EHD4: variants seen among roughly 807,000 people sequenced by gnomAD.
EHD4 encodes EH domain-containing protein 4.
A neutral mutation model predicts 51.0 loss-of-function variants in EHD4; 37 were observed. That is an observed-to-expected ratio of 0.73 (90% confidence interval 0.56 to 0.95). EHD4 has a LOEUF of 0.95. EHD4 is among the 40% of genes least tolerant of loss of function. The probability of loss-of-function intolerance (pLI) is 0.00; values close to 1 mark genes in which losing one functional copy is unlikely to be tolerated. For synonymous variants in EHD4, 297 were observed against 317.3 expected (o/e 0.94, Z 0.68); for missense variants, 632 against 733.1 (o/e 0.86, Z 1.59).
chr15:41,925,018 C>T (rs2067651817), intron 3 of EHD4, among the ~76,000 whole-genome samples: 1 of 150,620 alleles, frequency 6.6e-6, no homozygotes, highest in African/African-American at 2.4e-5. Flanking sequence ...CGAGACTGTG[C>T]CGCTGTACTC....
intron 1 of EHD4, among the ~76,000 whole-genome samples, chr15:41,960,529 C>G (rs775924308): frequency 8.7e-4 from 133 of 152,154 alleles, no homozygotes; most frequent in Non-Finnish European, 1.4e-3. Context: ...TTTGTCATTT[C>G]CTGTTAGGCA....
intron 4 of EHD4, among the ~76,000 whole-genome samples, chr15:41,918,102 T>G (rs2140988020): frequency 6.6e-6 from 1 of 152,178 alleles, no homozygotes; most frequent in East Asian, 1.9e-4. Context: ...ACCTTGGCTG[T>G]CCCCATCAGG....
At chr15:41,907,981 T>G (rs1013368104) in intron 5 of EHD4, among the ~76,000 whole-genome samples, 18 of 152,014 alleles carry the variant, frequency 1.2e-4, no homozygotes, top group African/African-American at 3.6e-4. Context: ...CAACAAATTC[T>G]CCTGCCTCAG....
chr15:41,934,326 T>C (rs918905320), intron 3 of EHD4, among the ~76,000 whole-genome samples: 17 of 129,660 alleles, frequency 1.3e-4, no homozygotes, highest in Non-Finnish European at 2.4e-4. Context: ...TTTTTTTTTT[T>C]CAAATAAATA....
At chr15:41,944,352 G>C (rs2067797156) in intron 2 of EHD4, among the ~76,000 whole-genome samples, 1 of 152,254 alleles carries the variant, frequency 6.6e-6, no homozygotes, top group Non-Finnish European at 1.5e-5. Flanking sequence ...AAGGCAGAAA[G>C]TGTAGAATGC....
intron 5 of EHD4, among the ~76,000 whole-genome samples, chr15:41,902,519 T>C (rs984937511): frequency 6.6e-6 from 1 of 152,192 alleles, no homozygotes; most frequent in African/African-American, 2.4e-5. Context: ...GGAGGAAGGA[T>C]ACTCCAATTG....
At chr15:41,915,445 G>A (rs1033680041) in intron 4 of EHD4, among the ~76,000 whole-genome samples, 3 of 152,196 alleles carry the variant, frequency 2.0e-5, no homozygotes, top group Non-Finnish European at 4.4e-5. Flanking sequence ...GAAAGAATAA[G>A]CTAAATTCCA....
At chr15:41,950,032 G>T (rs2067842970) in intron 2 of EHD4, among the ~76,000 whole-genome samples, 1 of 152,174 alleles carries the variant, frequency 6.6e-6, no homozygotes, top group Non-Finnish European at 1.5e-5. Context: ...AATTCGTCGT[G>T]AGCACAGCAG....
intron 3 of EHD4, among the ~76,000 whole-genome samples, chr15:41,936,761 G>A (rs972802864): frequency 2.6e-5 from 4 of 152,332 alleles, no homozygotes; most frequent in South Asian, 4.1e-4. Flanking sequence ...TCACAGTGGC[G>A]ATATGCTCAC....
At chr15:41,904,903 G>A (rs765463749) in intron 5 of EHD4, among the ~76,000 whole-genome samples, 5 of 152,254 alleles carry the variant, frequency 3.3e-5, no homozygotes, top group African/African-American at 9.6e-5. Flanking sequence ...TGCAGGGCCT[G>A]TCCCAGCTCA....
At chr15:41,912,702 GA>G (rs1220879293) in intron 4 of EHD4, among the ~76,000 whole-genome samples, 11 of 150,904 alleles carry the variant, frequency 7.3e-5, no homozygotes, top group African/African-American at 1.5e-4. Context: ...CTCAAAAAAA[GA>G]AAAAAAAATT....
chr15:41,923,753 T>C (rs2067642856), intron 3 of EHD4, among the ~76,000 whole-genome samples: 1 of 152,244 alleles, frequency 6.6e-6, no homozygotes, highest in Non-Finnish European at 1.5e-5. Context: ...GTAGTATTAG[T>C]TCCTTTTATT....
rs571299744 is a variant in EHD4 at position 41,940,983 on chromosome 15, T to C, written c.511+2084A>G. The stretch of plus-strand genomic sequence containing the variant: ...CAGGACCACATATTTCTCCAGCATA[T>C]TCAGTCAGAAATGGAGAAGCAGTGA... On this transcript the variant is annotated intron_variant, in intron 3 of 5. Coordinates refer to ENST00000220325, the MANE Select transcript of EHD4 (RefSeq NM_139265.4). 2.0e-5 allele frequency among the ~76,000 whole-genome samples: 3 copies of C among 152,302 alleles called. No homozygotes were observed. The South Asian group carries it at 6.2e-4, about 32-fold the overall frequency.
Position 41,943,080 on chromosome 15 carries a change from C to T in EHD4, c.498G>A (p.Gln166=). The change falls in exon 3 of 6, where the codon CAG becomes CAA. Residue 166 remains glutamine (Q), a synonymous_variant. Coordinates refer to ENST00000220325, the MANE Select transcript of EHD4 (RefSeq NM_139265.4). ...DSPGILSGEK[Q]RISRGYDFCQ... is the part of the protein sequence containing the mutation. ...ACAGGCACTGACCTCGGCTGATGCG[C>T]TGCTTCTCCCCAGAAAGGATGCCGG... 2 of 1,578,804 alleles carry T rather than the reference C, an allele frequency of 1.3e-6. No homozygotes were observed. Among genetic ancestry groups the T allele is most frequent in the Non-Finnish European group, 8.6e-7 (1 of 1,161,948 alleles).
At chr15:41,958,651 TAAGAA>T (rs2067903969) in intron 1 of EHD4, among the ~76,000 whole-genome samples, 3 of 152,148 alleles carry the variant, frequency 2.0e-5, no homozygotes, top group African/African-American at 7.2e-5. Context: ...ACGATGAGCT[TAAGAA>T]TGAATAAAAA....
chr15:41,939,122 T>C (rs2067750211), intron 3 of EHD4, among the ~76,000 whole-genome samples: 1 of 152,208 alleles, frequency 6.6e-6, no homozygotes, highest in Non-Finnish European at 1.5e-5. Context: ...CAAAGGATGT[T>C]CTGAAGAGTG....
chr15:41,955,237 C>G (rs755782715), intron 1 of EHD4, among the ~76,000 whole-genome samples: 2 of 152,130 alleles, frequency 1.3e-5, no homozygotes, highest in South Asian at 4.1e-4. Flanking sequence ...ATGACATTAC[C>G]CTCGTTTTAT....
At chr15:41,964,770 A>T (rs201882614) in intron 1 of EHD4, among the ~76,000 whole-genome samples, 27,799 of 141,504 alleles carry the variant, frequency 0.2, 2,922 homozygotes, top group South Asian at 0.29. Context: ...AAAAAAAAAA[A>T]AAATATATAT....
At chr15:41,926,290 TC>T (rs1318802875) in intron 3 of EHD4, 2 of 152,372 alleles carry the variant, frequency 1.3e-5, no homozygotes, top group Non-Finnish European at 2.9e-5. Context: ...ATGTCCCTCC[TC>T]CCACTCCTGG....
Sources: allele counts gnomAD v4.1 joint callset (sites outside exome capture counted in the v4.1 genomes callset), GRCh38; gene constraint gnomAD v4.1.1; transcripts MANE v1.5; gene names NCBI Gene and HGNC (gene_info 2026-07-23, HGNC 2026-07-21).